The following TTPAL variants were observed in gnomAD, a reference collection of about 807,000 sequenced individuals.
TTPAL encodes the protein alpha tocopherol transfer protein like.
In TTPAL, 21 loss-of-function variants were observed where a neutral mutation model predicts 28.7. The ratio of observed to expected loss-of-function variants is 0.73; its 90% CI spans 0.52 to 1.06. The LOEUF is 1.06. TTPAL is among the 50% of genes least tolerant of loss of function. The pLI is 0.00. For missense variants in TTPAL, 345 were observed against 425.5 expected (o/e 0.81, Z 1.67); for synonymous variants, 169 against 171.9 (o/e 0.98, Z 0.13).
intron 1 of TTPAL, among the ~76,000 whole-genome samples, chr20:44,478,990 C>T (rs574658045): frequency 1.9e-4 from 29 of 152,236 alleles, no homozygotes; most frequent in African/African-American, 5.1e-4. Context: ...GGGGTTTCAC[C>T]GCGTTAGCGA....
rs1344204356 is a variant in TTPAL at position 44,492,468 on chromosome 20, C to G, written c.*2927C>G. Reference sequence around the variant, plus strand: ...ACCTTACTACGTGGCCTTTGATGAGCTGGCTTAACATCCCTGAGTGATTCC... The same window carrying G: ...ACCTTACTACGTGGCCTTTGATGAGGTGGCTTAACATCCCTGAGTGATTCC... On this transcript the variant is annotated 3_prime_UTR_variant, in exon 5 of 5. Coordinates refer to ENST00000262605, the MANE Select transcript of TTPAL (RefSeq NM_001039199.3). 2 of 152,270 alleles carry G rather than the reference C, an allele frequency of 1.3e-5. No homozygotes were observed. The highest frequency in any genetic ancestry group is 2.9e-5 in the Non-Finnish European group (2 of 68,050). 9.4% of individuals were successfully genotyped at this position (152,270 alleles called of 1,614,324 possible). A position where few individuals can be genotyped will look rare whatever the true frequency, so the allele number is the denominator to read the frequency against.
At chr20:44,476,402 A>G (rs1221519282) in intron 1 of TTPAL, among the ~76,000 whole-genome samples, 1 of 152,168 alleles carries the variant, frequency 6.6e-6, no homozygotes, top group African/African-American at 2.4e-5. Flanking sequence ...AGTCAACATG[A>G]AGCTCCAGGT....
At chr20:44,487,855 A>G (rs749440029) in intron 4 of TTPAL, among the ~76,000 whole-genome samples, 10 of 151,962 alleles carry the variant, frequency 6.6e-5, no homozygotes, top group Non-Finnish European at 1.0e-4. Context: ...TGCAACCCCT[A>G]CCTCCCGGGT....
chr20:44,476,838 T>C (rs973874206), intron 1 of TTPAL, among the ~76,000 whole-genome samples: 7 of 152,190 alleles, frequency 4.6e-5, no homozygotes, highest in Admixed American at 2.0e-4. Flanking sequence ...GCCTGACATA[T>C]ATGGTAGGTG....
At chr20:44,479,745 G>C (rs1200160767) in intron 1 of TTPAL, among the ~76,000 whole-genome samples, 1 of 152,142 alleles carries the variant, frequency 6.6e-6, no homozygotes, top group African/African-American at 2.4e-5. Flanking sequence ...GAAGGCCCTG[G>C]TGTTTATTAG....
At chr20:44,476,200 A>AC (rs2064041026) in intron 1 of TTPAL, among the ~76,000 whole-genome samples, 2 of 151,870 alleles carry the variant, frequency 1.3e-5, no homozygotes, top group Admixed American at 1.3e-4. Context: ...TGGCTTCCTG[A>AC]CCTCTCCTTG....
At position 44,492,389 on chromosome 20, in the gene TTPAL, T is replaced by C. The variant is rs2064214978; in HGVS notation, c.*2848T>C. On this transcript the variant is annotated 3_prime_UTR_variant, in exon 5 of 5. Transcript: ENST00000262605. ...TAACTTTTCCCTAAATTCAAGATAG[T>C]GTGGTGTCGGAAGGAAATGGGACAG... is the stretch of plus-strand genomic sequence containing the variant. The C allele has an allele frequency of 6.6e-6, 1 of 152,260 alleles. No individual in the cohort carries two copies. The highest frequency in any genetic ancestry group is 1.5e-5 in the Non-Finnish European group (1 of 68,028). The allele number at this position is 152,260 out of a possible 1,614,324, so 9.4% of individuals were successfully genotyped here.
intron 3 of TTPAL, chr20:44,485,961 T>C (rs2064148116): frequency 6.6e-6 from 1 of 152,206 alleles, no homozygotes; most frequent in Non-Finnish European, 1.5e-5. Flanking sequence ...ATATAACCTC[T>C]AATAGCCTGA....
rs2064207490 is a variant in TTPAL, at chr20:44,491,692, A to G, written c.*2151A>G. On this transcript the variant is annotated 3_prime_UTR_variant, in exon 5 of 5. Transcript: ENST00000262605. ...TCCATCTGATGATGATGTGACACAC[A>G]CTGCTGAAAAGGCCCAAGCAGGGCA... The G allele has an allele frequency of 6.6e-6, 1 of 152,360 alleles. No homozygotes were observed. Among genetic ancestry groups the G allele is most frequent in the Non-Finnish European group, 1.5e-5 (1 of 68,076 alleles). The allele number at this position is 152,360 out of a possible 1,614,324, so 9.4% of individuals were successfully genotyped here.
intron 1 of TTPAL, among the ~76,000 whole-genome samples, chr20:44,478,063 G>C (rs761766950): frequency 3.3e-5 from 5 of 152,230 alleles, no homozygotes; most frequent in Admixed American, 2.6e-4. Context: ...AGGTTGCAGA[G>C]AGCTATGATT....
In TTPAL at chr20:44,489,412, G is replaced by T; in HGVS notation, c.900G>T (p.Glu300Asp). 1 of 1,614,194 alleles carries T rather than the reference G, an allele frequency of 6.2e-7. No individual in the cohort carries two copies. Among genetic ancestry groups the T allele is most frequent in the Non-Finnish European group, 8.5e-7 (1 of 1,180,026 alleles). ...CTTCAGAAGACGATTTTGTGAAAGAGTTCTGCCAACCTGTTCCTGCCTGTG... is the reference window on the plus strand; with the variant it reads ...CTTCAGAAGACGATTTTGTGAAAGATTTCTGCCAACCTGTTCCTGCCTGTG... ...LLASEDDFVKEFCQPVPACDS... is the reference protein window; with the variant it reads ...LLASEDDFVKDFCQPVPACDS... Residue 300 changes from glutamate to aspartate, a missense_variant, in exon 5 of 5, where the codon GAG (glutamate) becomes GAT (aspartate). By Grantham distance (45) the Glu-to-Asp change is conservative. Coordinates refer to ENST00000262605, the MANE Select transcript of TTPAL (RefSeq NM_001039199.3).
rs1230386549 is a variant in TTPAL, at chr20:44,480,260, C to T, written c.261C>T (p.Ala87=). 6.2e-7 allele frequency: 1 copy of T among 1,614,178 alleles called. No homozygotes were observed. Among genetic ancestry groups the T allele is most frequent in the Non-Finnish European group, 8.5e-7 (1 of 1,180,032 alleles). ...CCTTCCTGCTGCGCTTCCTCCGAGCCCGCAAGTTTGATTACGACCGGGCCC... is the reference window on the plus strand; with the variant it reads ...CCTTCCTGCTGCGCTTCCTCCGAGCTCGCAAGTTTGATTACGACCGGGCCC... ...DDAFLLRFLR[A]RKFDYDRALQ... The change falls in exon 2 of 5, where the codon GCC becomes GCT. Residue 87 remains alanine, a synonymous_variant. Coordinates refer to ENST00000262605, the MANE Select transcript of TTPAL (RefSeq NM_001039199.3). The surrounding 1 kb of genome is among the most constrained non-coding windows in gnomAD (Gnocchi z 4.1).
intron 4 of TTPAL, among the ~76,000 whole-genome samples, chr20:44,487,301 G>A (rs1051495216): frequency 6.6e-6 from 1 of 151,750 alleles, no homozygotes; most frequent in Admixed American, 6.6e-5. Flanking sequence ...AATTAGGTGG[G>A]TGTGGTGGCA....
At position 44,480,434 on chromosome 20, in the gene TTPAL, C is replaced by T. The variant is rs1279983394; in HGVS notation, c.435C>T (p.Cys145=). 6 of 1,600,644 alleles carry T rather than the reference C, an allele frequency of 3.7e-6. No individual in the cohort carries two copies. Among genetic ancestry groups the T allele is most frequent in the East Asian group, 2.2e-5 (1 of 44,682 alleles). ...ACCCCAGGGGCTGCCATGTCGTCTG[C>T]ATCCGCCCAGGTATCTCCCTAGACT... is the stretch of plus-strand genomic sequence containing the variant. ...HTDPRGCHVV[C]IRPDRWIPSN... The change falls in exon 2 of 5, where the codon TGC becomes TGT. Residue 145 remains cysteine, a synonymous_variant. Coordinates refer to ENST00000262605, the MANE Select transcript of TTPAL (RefSeq NM_001039199.3). This position sits in a 1 kb window ranked among gnomAD's most constrained non-coding sequence, Gnocchi z 4.1.
chr20:44,488,672 A>G (rs577523545), intron 4 of TTPAL, among the ~76,000 whole-genome samples: 1 of 152,336 alleles, frequency 6.6e-6, no homozygotes, highest in East Asian at 1.9e-4. Context: ...ACAAGAAGTG[A>G]GAGAGTGAGC....
At position 44,489,323 on chromosome 20, in the gene TTPAL, C is replaced by G. The variant is rs189447942; in HGVS notation, c.811C>G (p.Pro271Ala). ...LHTNLPRSIL[P>A]KEYGGTAGEL... is the part of the protein sequence containing the mutation. ...CACAAACCTTCCAAGAAGCATCCTC[C>G]CCAAGGAGTATGGGGGCACGGCTGG... Residue 271 changes from proline (P) to alanine (A), a missense_variant, in exon 5 of 5, where the codon CCC becomes GCC. By Grantham distance (27) the Pro-to-Ala change is conservative. Coordinates refer to ENST00000262605, the MANE Select transcript of TTPAL (RefSeq NM_001039199.3). 6.2e-7 allele frequency: 1 copy of G among 1,614,080 alleles called. No individual in the cohort carries two copies. The highest frequency in any genetic ancestry group is 1.3e-5 in the African/African-American group (1 of 74,918).
At chr20:44,489,226 C>T (rs758675060) in intron 4 of TTPAL, 37 bp from the exon 5 acceptor site, 2 of 1,592,554 alleles carry the variant, frequency 1.3e-6, no homozygotes, top group Non-Finnish European at 1.7e-6. Context: ...CCTGATTAAC[C>T]TAAGGACATG....
rs1178393273 is a variant in TTPAL, at chr20:44,490,655, GAA to G, written c.*1117_*1118del. Reference sequence around the variant, plus strand: ...CTTTTTATAGTGATGGTTCAATTTTGAAAAGATGGCTTTTGTGAGGCCAGGTT... The same window carrying G: ...CTTTTTATAGTGATGGTTCAATTTTGAAGATGGCTTTTGTGAGGCCAGGTT... On this transcript the variant is annotated 3_prime_UTR_variant, in exon 5 of 5. Coordinates refer to ENST00000262605, the MANE Select transcript of TTPAL (RefSeq NM_001039199.3). 1 of 152,274 alleles carries G rather than the reference GAA, an allele frequency of 6.6e-6. No individual in the cohort carries two copies. The highest frequency in any genetic ancestry group is 1.5e-5 in the Non-Finnish European group (1 of 68,024). The allele number at this position is 152,274 out of a possible 1,614,324, so 9.4% of individuals were successfully genotyped here.
chr20:44,485,549 A>G (rs73613502), intron 3 of TTPAL, among the ~76,000 whole-genome samples: 1,850 of 152,144 alleles, frequency 0.012, 16 homozygotes, highest in East Asian at 0.063. Context: ...AGCTCTTCTC[A>G]CTGATTCCAC....
Sources: gnomAD v4.1 joint callset for allele counts (sites outside exome capture counted in the v4.1 genomes callset) on GRCh38, gnomAD v4.1.1 for gene constraint, Gnocchi (gnomAD v3.1) non-coding constraint, MANE v1.5 for transcripts, NCBI Gene and HGNC (gene_info 2026-07-23, HGNC 2026-07-21) for gene names.